The following HS3ST5 variants were observed in gnomAD, a reference collection of about 807,000 sequenced individuals.
HS3ST5 encodes heparan sulfate glucosamine 3-O-sulfotransferase 5.
In HS3ST5, 10 loss-of-function variants were observed where a neutral mutation model predicts 25.4. The observed-to-expected ratio is 0.39, with a 90% CI of 0.24 to 0.67. The LOEUF is 0.67. Among genes scored for constraint, HS3ST5 ranks in the 30% least tolerant of loss-of-function variants. The probability of loss-of-function intolerance (pLI) is 0.44; values close to 1 mark genes in which losing one functional copy is unlikely to be tolerated. For missense variants in HS3ST5, 324 were observed against 420.7 expected, an observed-to-expected ratio of 0.77 and a Z score of 2.01; for synonymous variants, 170 against 162.4, an observed-to-expected ratio of 1.05 and a Z score of -0.36.
chr6:114,312,246 A>G (rs1289325830), intron 1 of HS3ST5, among the ~76,000 whole-genome samples: 1 of 152,242 alleles, frequency 6.6e-6, no homozygotes, highest in African/African-American at 2.4e-5. Context: ...ACTAGTGTAA[A>G]TTATTTTAGA....
intron 3 of HS3ST5, among the ~76,000 whole-genome samples, chr6:114,133,182 G>A (rs1045067495): frequency 6.6e-6 from 1 of 152,110 alleles, no homozygotes; most frequent in African/African-American, 2.4e-5. Context: ...TGCCCATCAA[G>A]GGATGACAAT....
At chr6:114,252,747 G>A (rs1772720703) in intron 1 of HS3ST5, among the ~76,000 whole-genome samples, 1 of 152,142 alleles carries the variant, frequency 6.6e-6, no homozygotes. Flanking sequence ...GGACAGGATG[G>A]GAACAGAAGT....
At chr6:114,202,051 GAC>G (rs1295298927) in intron 2 of HS3ST5, among the ~76,000 whole-genome samples, 2 of 151,914 alleles carry the variant, frequency 1.3e-5, no homozygotes, top group African/African-American at 4.8e-5. Flanking sequence ...TTTGGGTGGG[GAC>G]ACAGCCAAAT....
At chr6:114,145,170 C>T (rs1309011653) in intron 3 of HS3ST5, among the ~76,000 whole-genome samples, 2 of 152,282 alleles carry the variant, frequency 1.3e-5, no homozygotes, top group African/African-American at 4.8e-5. Flanking sequence ...TCCTACAAGC[C>T]CCGGAGGCAG....
At chr6:114,063,579 G>C (rs1212376691) in intron 3 of HS3ST5, among the ~76,000 whole-genome samples, 2 of 151,680 alleles carry the variant, frequency 1.3e-5, no homozygotes, top group Admixed American at 6.6e-5. Flanking sequence ...TGAAGGCTCT[G>C]CTTCAGAATA....
At chr6:114,329,854 T>C (rs1454152384) in intron 1 of HS3ST5, among the ~76,000 whole-genome samples, 1 of 152,194 alleles carries the variant, frequency 6.6e-6, no homozygotes, top group Non-Finnish European at 1.5e-5. Flanking sequence ...CTCTTCTGAA[T>C]ACAGTACATT....
chr6:114,170,139 C>G (rs1260481766), intron 2 of HS3ST5, among the ~76,000 whole-genome samples: 2 of 151,994 alleles, frequency 1.3e-5, no homozygotes, highest in Non-Finnish European at 2.9e-5. Context: ...TAAAATTTAT[C>G]AGTTATTTAT....
At chr6:114,198,108 A>C (rs762998337) in intron 2 of HS3ST5, among the ~76,000 whole-genome samples, 1 of 152,112 alleles carries the variant, frequency 6.6e-6, no homozygotes, top group Non-Finnish European at 1.5e-5. Flanking sequence ...GAACTTTTGG[A>C]ATTGAAAAGT....
intron 1 of HS3ST5, among the ~76,000 whole-genome samples, chr6:114,294,234 C>T (rs143806259): frequency 2.6e-5 from 4 of 152,214 alleles, no homozygotes; most frequent in East Asian, 1.9e-4. Context: ...AAAAAACCTG[C>T]GGAATTAGTG....
chr6:114,261,793 T>C (rs1226774077), intron 1 of HS3ST5, among the ~76,000 whole-genome samples: 1 of 152,234 alleles, frequency 6.6e-6, no homozygotes, highest in Non-Finnish European at 1.5e-5. Flanking sequence ...CCAGGCCCCA[T>C]GTGCTTCTTC....
At chr6:114,271,132 C>T (rs1232680028) in intron 1 of HS3ST5, among the ~76,000 whole-genome samples, 1 of 151,882 alleles carries the variant, frequency 6.6e-6, no homozygotes, top group Admixed American at 6.6e-5. Flanking sequence ...GGAGAAAGTC[C>T]ACTTGGACAG....
intron 2 of HS3ST5, among the ~76,000 whole-genome samples, chr6:114,204,956 CA>C (rs1310206299): frequency 3.3e-5 from 5 of 152,084 alleles, no homozygotes; most frequent in African/African-American, 4.8e-5. Context: ...ACATGGTAAT[CA>C]AAAGGGTATC....
At chr6:114,087,504 C>T (rs1039463157) in intron 3 of HS3ST5, among the ~76,000 whole-genome samples, 4 of 152,112 alleles carry the variant, frequency 2.6e-5, no homozygotes, top group Admixed American at 6.5e-5. Flanking sequence ...ATGGCCTGTA[C>T]GTCTATGAAT....
chr6:114,249,482 G>T (rs1255221977), intron 1 of HS3ST5, among the ~76,000 whole-genome samples: 1 of 152,222 alleles, frequency 6.6e-6, no homozygotes, highest in Non-Finnish European at 1.5e-5. Context: ...TGGGTATGAA[G>T]ATGGGGACCC....
At chr6:114,249,901 A>G (rs1341614113) in intron 1 of HS3ST5, among the ~76,000 whole-genome samples, 1 of 152,208 alleles carries the variant, frequency 6.6e-6, no homozygotes, top group African/African-American at 2.4e-5. Context: ...GGGATATTGC[A>G]CCAAATGAAA....
intron 2 of HS3ST5, among the ~76,000 whole-genome samples, chr6:114,214,580 TA>T (rs1781664185): frequency 6.6e-6 from 1 of 152,214 alleles, no homozygotes; most frequent in South Asian, 2.1e-4. Context: ...AGCTCATAAT[TA>T]CTCCTTAACT....
chr6:114,104,362 G>A (rs1370582480), intron 3 of HS3ST5, among the ~76,000 whole-genome samples: 1 of 152,178 alleles, frequency 6.6e-6, no homozygotes, highest in Non-Finnish European at 1.5e-5. Flanking sequence ...GAGCATCAGT[G>A]TTTATATCAG....
At chr6:114,207,651 G>T (rs1378871732) in intron 2 of HS3ST5, among the ~76,000 whole-genome samples, 1 of 151,784 alleles carries the variant, frequency 6.6e-6, no homozygotes, top group East Asian at 1.9e-4. Context: ...GACTTTGGTT[G>T]GACAAAAGAC....
chr6:114,090,190 C>A (rs1389632380), intron 3 of HS3ST5, among the ~76,000 whole-genome samples: 1 of 152,186 alleles, frequency 6.6e-6, no homozygotes, highest in Non-Finnish European at 1.5e-5. Context: ...ATCAATAAGT[C>A]TTAGTTGAGG....
Sources: allele counts gnomAD v4.1 joint callset (sites outside exome capture counted in the v4.1 genomes callset), GRCh38; gene constraint gnomAD v4.1.1; transcripts MANE v1.5; gene names NCBI Gene and HGNC (gene_info 2026-07-23, HGNC 2026-07-21).